Variants in ERG observed in about 807,000 individuals in gnomAD.
ERG encodes the protein ETS transcription factor ERG.
ERG carries 9 observed loss-of-function variants against 55.3 expected under a neutral mutation model. That is an observed-to-expected ratio of 0.16 (90% CI 0.10 to 0.28). The LOEUF (loss-of-function observed/expected upper bound fraction) is 0.28, where lower values mean the gene tolerates loss of function less well. ERG is among the 10% of genes least tolerant of loss of function. The probability of loss-of-function intolerance (pLI) is 1.00; values close to 1 mark genes in which losing one functional copy is unlikely to be tolerated. For synonymous variants in ERG, 223 were observed against 237.3 expected (o/e 0.94, Z 0.55); for missense variants, 434 against 631.6 (o/e 0.69, Z 3.35).
At chr21:38,651,062 G>A (rs1023024457) in intron 1 of ERG, among the ~76,000 whole-genome samples, 7 of 152,222 alleles carry the variant, frequency 4.6e-5, no homozygotes, top group Non-Finnish European at 7.3e-5. Context: ...TGGAGTTGTC[G>A]CAGCATGATT....
At chr21:38,412,833 C>T (rs1055011831) in intron 3 of ERG, among the ~76,000 whole-genome samples, 11 of 151,894 alleles carry the variant, frequency 7.2e-5, no homozygotes, top group Non-Finnish European at 1.0e-4. Flanking sequence ...TTGTAATTTG[C>T]GGGTGGCAGA....
At chr21:38,457,540 G>A (rs185064659) in intron 1 of ERG, among the ~76,000 whole-genome samples, 9 of 152,180 alleles carry the variant, frequency 5.9e-5, no homozygotes, top group Non-Finnish European at 1.2e-4. Flanking sequence ...AAATCTTGAC[G>A]TGTACACAGA....
At chr21:38,603,714 G>GA (rs1601302156) in intron 1 of ERG, among the ~76,000 whole-genome samples, 2 of 151,996 alleles carry the variant, frequency 1.3e-5, no homozygotes, top group African/African-American at 4.8e-5. Flanking sequence ...ATCAAGAAGG[G>GA]CCCCCGATAA....
intron 1 of ERG, among the ~76,000 whole-genome samples, chr21:38,632,927 T>A (rs1304593622): frequency 6.6e-6 from 1 of 152,200 alleles, no homozygotes; most frequent in Non-Finnish European, 1.5e-5. Context: ...GATATTTGCA[T>A]ACCCACATTC....
chr21:38,449,468 T>C (rs2058921298), intron 1 of ERG, among the ~76,000 whole-genome samples: 2 of 152,346 alleles, frequency 1.3e-5, no homozygotes, highest in South Asian at 2.1e-4. Context: ...CCTTTGGATT[T>C]TGGTCATGGG....
intron 2 of ERG, among the ~76,000 whole-genome samples, chr21:38,436,752 C>T (rs1486659684): frequency 1.3e-5 from 2 of 152,076 alleles, no homozygotes; most frequent in Admixed American, 6.5e-5. Context: ...TTTCTCCTGC[C>T]CAGGTAGAGT....
At chr21:38,539,788 G>A (rs1002115206) in intron 2 of ERG, among the ~76,000 whole-genome samples, 4 of 151,976 alleles carry the variant, frequency 2.6e-5, no homozygotes, top group African/African-American at 4.8e-5. Context: ...AGCACAGCAC[G>A]TATACCCATG....
intron 1 of ERG, among the ~76,000 whole-genome samples, chr21:38,647,643 T>C (rs1391159671): frequency 6.6e-6 from 1 of 152,210 alleles, no homozygotes; most frequent in Non-Finnish European, 1.5e-5. Context: ...TGTAACTACA[T>C]TACAAAATGT....
chr21:38,628,148 C>A (rs114988468), intron 1 of ERG, among the ~76,000 whole-genome samples: 1 of 151,968 alleles, frequency 6.6e-6, no homozygotes, highest in African/African-American at 2.4e-5. Context: ...CAGGGTTTTG[C>A]GATGTTGCCC....
At chr21:38,614,070 C>CAG (rs146604885) in intron 1 of ERG, among the ~76,000 whole-genome samples, 12,597 of 152,196 alleles carry the variant, frequency 0.083, 1,064 homozygotes, top group African/African-American at 0.22. Flanking sequence ...GTTCAGCAAA[C>CAG]GGGATTCTTC....
At chr21:38,531,246 G>A (rs1300282933) in intron 2 of ERG, among the ~76,000 whole-genome samples, 1 of 152,122 alleles carries the variant, frequency 6.6e-6, no homozygotes, top group African/African-American at 2.4e-5. Context: ...CCCTCCATTG[G>A]AATAATCAGA....
intron 1 of ERG, among the ~76,000 whole-genome samples, chr21:38,613,776 T>C (rs1481266888): frequency 1.3e-5 from 2 of 152,190 alleles, no homozygotes; most frequent in Non-Finnish European, 2.9e-5. Context: ...TTCATGTCCA[T>C]GTGCAGTTAG....
At position 38,380,509 on chromosome 21, in the gene ERG, G is replaced by A. The variant is rs1289858981; in HGVS notation, c.*2894C>T. The A allele has an allele frequency of 3.8e-6, 4 of 1,065,584 alleles. No homozygotes were observed. The African/African-American group carries it at 6.5e-5, about 17-fold the overall frequency. The allele number at this position is 1,065,584 out of a possible 1,614,324, so 66.0% of individuals were successfully genotyped here. The stretch of plus-strand genomic sequence containing the variant: ...GAAGACAAATCTCTTGCCAGCAGGA[G>A]TAAGATTGTACAGGAGTCTGAGTAT... On this transcript the variant is annotated 3_prime_UTR_variant, in exon 10 of 10. Transcript: ENST00000288319.
chr21:38,435,671 G>A (rs899836413), intron 2 of ERG, among the ~76,000 whole-genome samples: 1 of 152,168 alleles, frequency 6.6e-6, no homozygotes, highest in African/African-American at 2.4e-5. Flanking sequence ...GGGGCTCGAT[G>A]TTTCCCTGAG....
intron 2 of ERG, among the ~76,000 whole-genome samples, chr21:38,560,101 A>T (rs188394552): frequency 3.9e-5 from 6 of 152,216 alleles, no homozygotes; most frequent in Non-Finnish European, 8.8e-5. Context: ...AGGTCATGAA[A>T]ATTATACAGA....
At chr21:38,620,071 T>G (rs2060281287) in intron 1 of ERG, among the ~76,000 whole-genome samples, 1 of 152,196 alleles carries the variant, frequency 6.6e-6, no homozygotes, top group Non-Finnish European at 1.5e-5. Context: ...GTGCTGCACT[T>G]GGTTGGAATA....
chr21:38,483,758 G>A lies in ERG; in HGVS notation c.18+14605C>T, dbSNP rs557009883. Reference sequence around the variant, plus strand: ...CACGTCTGTAGTCCCAGCTACTCGGGAGGCTGAGGCAGGGGAATCTCTTGA... The same window carrying A: ...CACGTCTGTAGTCCCAGCTACTCGGAAGGCTGAGGCAGGGGAATCTCTTGA... On this transcript the variant is annotated intron_variant, in intron 1 of 9. Transcript: ENST00000288319. Among the ~76,000 whole-genome samples the A allele has an allele frequency of 2.0e-5, 3 of 152,282 alleles. No homozygotes were observed. The East Asian group carries it at 5.8e-4, about 29-fold the overall frequency.
chr21:38,417,805 TA>T (rs2146489335), intron 3 of ERG, among the ~76,000 whole-genome samples: 1 of 151,820 alleles, frequency 6.6e-6, no homozygotes, highest in East Asian at 1.9e-4. Context: ...AATAAATAAA[TA>T]AAAAATAATA....
intron 1 of ERG, among the ~76,000 whole-genome samples, chr21:38,458,633 C>T (rs2836415): frequency 0.14 from 21,319 of 152,082 alleles, 1,609 homozygotes; most frequent in South Asian, 0.21. Flanking sequence ...ATCTCGCAAA[C>T]GTTCAGTCTA....
Sources: allele counts gnomAD v4.1 joint callset (sites outside exome capture counted in the v4.1 genomes callset), GRCh38; gene constraint gnomAD v4.1.1; transcripts MANE v1.5; gene names NCBI Gene and HGNC (gene_info 2026-07-23, HGNC 2026-07-21).